PER3: variants seen among roughly 807,000 people sequenced by gnomAD.
PER3 encodes period circadian protein homolog 3.
In PER3, 107 loss-of-function variants were observed where a neutral mutation model predicts 127.2. That is an observed-to-expected ratio of 0.84 (90% confidence interval 0.72 to 0.99). The LOEUF is 0.99. Among genes scored for constraint, PER3 ranks in the 50% least tolerant of loss-of-function variants. PER3 has a pLI of 0.00. For synonymous variants in PER3, 618 were observed against 585.8 expected, an observed-to-expected ratio of 1.05 and a Z score of -0.79; for missense variants, 1,560 against 1,525.8, an observed-to-expected ratio of 1.02 and a Z score of -0.37.
intron 10 of PER3, among the ~76,000 whole-genome samples, chr1:7,805,434 G>T (rs1370544201): frequency 1.3e-5 from 2 of 152,166 alleles, no homozygotes; most frequent in African/African-American, 2.4e-5. Context: ...AGGTCTCAAG[G>T]TTGCTCTTAC....
intron 21 of PER3, among the ~76,000 whole-genome samples, chr1:7,838,314 C>G (rs1324694413): frequency 2.0e-5 from 3 of 152,204 alleles, no homozygotes; most frequent in Non-Finnish European, 4.4e-5. Flanking sequence ...CTCCAGAACT[C>G]TCTTCATTTT....
At chr1:7,839,791 C>T (rs550364584) in intron 21 of PER3, among the ~76,000 whole-genome samples, 2 of 152,238 alleles carry the variant, frequency 1.3e-5, no homozygotes, top group East Asian at 3.9e-4. Context: ...GTTGCTTCTC[C>T]CTTGCTGCTT....
In PER3 at chr1:7,827,444, G is replaced by A. The variant is rs142370585; in HGVS notation, c.2515G>A (p.Glu839Lys). ...AGGCCTGCATGGGCTGCCCTTGTCC[G>A]AGGGCTTGCAGCCTTACCCAGCTTT... ...PEGLHGLPLSEGLQPYPAFPF... is the reference protein window; with the variant it reads ...PEGLHGLPLSKGLQPYPAFPF... Residue 839 changes from glutamate to lysine, a missense_variant, in exon 18 of 22, where the codon GAG (glutamate) becomes AAG (lysine). Transcript: ENST00000377532. The A allele has an allele frequency of 3.7e-6, 6 of 1,614,026 alleles. No homozygotes were observed. The African/African-American group carries it at 6.7e-5, about 18-fold the overall frequency.
intron 13 of PER3, 107 bp from the exon 14 acceptor site, chr1:7,819,178 T>G: frequency 1.1e-6 from 1 of 871,976 alleles, no homozygotes; most frequent in Non-Finnish European, 1.8e-6. Flanking sequence ...TGATATTCTG[T>G]TGATATATAC....
chr1:7,803,131 G>A lies in PER3; in HGVS notation c.957G>A (p.Leu319=). 6.2e-7 allele frequency: 1 copy of A among 1,609,442 alleles called. No homozygotes were observed. The highest frequency in any genetic ancestry group is 8.5e-7 in the Non-Finnish European group (1 of 1,175,820). The change falls in exon 9 of 22, where the codon CTG becomes CTA. Residue 319 remains leucine (L), a synonymous_variant. Coordinates refer to ENST00000377532, the MANE Select transcript of PER3 (RefSeq NM_001377275.1). Reference sequence around the variant, plus strand: ...ACCTGCACCCTGAAGATCGTTCTCTGATGGTTGCCATACACCAAAAAGGTC... The same window carrying A: ...ACCTGCACCCTGAAGATCGTTCTCTAATGGTTGCCATACACCAAAAAGGTC... The part of the protein sequence containing the change: ...LSYLHPEDRS[L]MVAIHQKVLK...
At chr1:7,809,871 T>G in intron 11 of PER3, 22 bp from the exon 12 acceptor site, 1 of 1,611,318 alleles carries the variant, frequency 6.2e-7, no homozygotes, top group Non-Finnish European at 8.5e-7. Flanking sequence ...AATTCTGGAC[T>G]TGTTCCTCTT....
rs1316037260 is a variant in PER3 at position 7,784,635 on chromosome 1, C to T, written c.-224-19C>T. ...GTCTGTTCCATTTGTCCCTTGTCAC[C>T]CTTGTCTCCTCCCCCTAGGCCGGAG... On this transcript the variant is annotated intron_variant, in intron 1 of 21. Coordinates refer to ENST00000377532, the MANE Select transcript of PER3 (RefSeq NM_001377275.1). The T allele has an allele frequency of 7.3e-6, 3 of 409,186 alleles. No individual in the cohort carries two copies. The highest frequency in any genetic ancestry group is 4.1e-5 in the East Asian group (1 of 24,464). 25.3% of individuals were successfully genotyped at this position (409,186 alleles called of 1,614,324 possible).
At chr1:7,838,975 A>G (rs1229881568) in intron 21 of PER3, among the ~76,000 whole-genome samples, 1 of 151,664 alleles carries the variant, frequency 6.6e-6, no homozygotes, top group Non-Finnish European at 1.5e-5. Flanking sequence ...TACTTGTGGC[A>G]TTTTGCTATT....
chr1:7,811,602 G>A (rs2097219650), intron 13 of PER3: 1 of 152,292 alleles, frequency 6.6e-6, no homozygotes, highest in Non-Finnish European at 1.5e-5. Context: ...CAAACGCTGT[G>A]TCCTCACATG....
intron 18 of PER3, among the ~76,000 whole-genome samples, chr1:7,829,515 C>T (rs1336719345): frequency 6.6e-6 from 1 of 152,162 alleles, no homozygotes; most frequent in Non-Finnish European, 1.5e-5. Context: ...ATAAATGTTA[C>T]TTGAACACAA....
chr1:7,800,320 G>T (rs34663504), intron 7 of PER3, among the ~76,000 whole-genome samples: 77,469 of 150,870 alleles, frequency 0.51, 21,156 homozygotes, highest in Middle Eastern at 0.68. Context: ...CAATTCTCAT[G>T]CTTCAGCCTC....
intron 5 of PER3, among the ~76,000 whole-genome samples, chr1:7,791,911 T>G (rs1276815740): frequency 6.6e-6 from 1 of 152,182 alleles, no homozygotes; most frequent in African/African-American, 2.4e-5. Flanking sequence ...AGCATTTTGG[T>G]CAAAGCCATT....
intron 10 of PER3, chr1:7,804,058 A>G (rs2097182179): frequency 4.9e-6 from 2 of 411,294 alleles, no homozygotes; most frequent in Non-Finnish European, 8.6e-6. Context: ...AATATCCATC[A>G]TTAAGTAAAC....
intron 9 of PER3, 107 bp from the exon 10 acceptor site, chr1:7,803,585 C>A: frequency 2.7e-6 from 2 of 731,178 alleles, no homozygotes; most frequent in Non-Finnish European, 4.4e-6. Flanking sequence ...GAGACTCAAT[C>A]TCAAAAAAAA....
chr1:7,803,713 C>G lies in PER3; in HGVS notation c.1001C>G (p.Pro334Arg), dbSNP rs1174548666. The stretch of plus-strand genomic sequence containing the variant: ...ATAGTTTTGAAGTATGCAGGGCATC[C>G]TCCCTTTGAACATTCTCCCATTCGA... ...HQKVLKYAGH[P>R]PFEHSPIRFC... Residue 334 changes from proline (P) to arginine (R), a missense_variant, in exon 10 of 22, where the codon CCT (proline) becomes CGT (arginine). Pro to Arg is a moderately radical substitution (Grantham distance 103, BLOSUM62 -2). Coordinates refer to ENST00000377532, the MANE Select transcript of PER3 (RefSeq NM_001377275.1). The G allele has an allele frequency of 1.2e-6, 2 of 1,604,216 alleles. No homozygotes were observed.
rs757844993 is a variant in PER3, at chr1:7,798,535, G to A, written c.655G>A (p.Asp219Asn). The part of the protein sequence containing the change: ...PFFCRIRGGE[D>N]RKQEKCHSPF... ...CTTTAATCTCCTCAGTGGAGGTGAA[G>A]ACAGAAAGCAAGAGAAGTGTCACTC... is the stretch of plus-strand genomic sequence containing the variant. The change falls in exon 7 of 22, where the codon GAC becomes AAC. Residue 219 changes from aspartate (D) to asparagine (N), a missense_variant. By Grantham distance (23) the Asp-to-Asn change is conservative. This residue lies in a region of PER3 where 1,332 missense variants were observed against 1,223.6 expected (regional missense o/e 1.09). Coordinates refer to ENST00000377532, the MANE Select transcript of PER3 (RefSeq NM_001377275.1). 6 of 1,613,774 alleles carry A rather than the reference G, an allele frequency of 3.7e-6. No homozygotes were observed. The highest frequency in any genetic ancestry group is 3.3e-4 in the Middle Eastern group (2 of 6,058).
At chr1:7,799,088 C>T (rs1357108649) in intron 7 of PER3, among the ~76,000 whole-genome samples, 1 of 152,110 alleles carries the variant, frequency 6.6e-6, no homozygotes, top group Non-Finnish European at 1.5e-5. Flanking sequence ...TTATCTTGTA[C>T]GAGCAGAACT....
chr1:7,797,112 G>A (rs772598819), intron 6 of PER3, among the ~76,000 whole-genome samples: 12 of 152,152 alleles, frequency 7.9e-5, no homozygotes, highest in Non-Finnish European at 1.2e-4. Context: ...GGTCATCAGC[G>A]TGTAAATGGC....
intron 19 of PER3, among the ~76,000 whole-genome samples, chr1:7,834,534 T>C (rs1287747173): frequency 6.6e-6 from 1 of 152,156 alleles, no homozygotes; most frequent in Non-Finnish European, 1.5e-5. Flanking sequence ...TAGCTCACTG[T>C]AGCCTCAAAC....
Sources: allele counts gnomAD v4.1 joint callset (sites outside exome capture counted in the v4.1 genomes callset), GRCh38; gene constraint gnomAD v4.1.1; regional missense constraint gnomAD v4.1.1; transcripts MANE v1.5; gene names NCBI Gene and HGNC (gene_info 2026-07-23, HGNC 2026-07-21).